Variants in ARAP2 observed in about 807,000 individuals in gnomAD.
ARAP2 encodes ArfGAP with RhoGAP domain, ankyrin repeat and PH domain 2.
Under a neutral mutation model 194.5 loss-of-function variants are expected in ARAP2, and 148 were observed. The observed-to-expected ratio is 0.76, with a 90% CI of 0.67 to 0.87. ARAP2 has a LOEUF of 0.87. Ranked by LOEUF, ARAP2 falls within the 40% of genes least tolerant of loss-of-function variation. The pLI is 0.00. For missense variants in ARAP2, 2,128 were observed against 1,989.7 expected (o/e 1.07, Z -1.32); for synonymous variants, 695 against 683.5 (o/e 1.02, Z -0.26).
chr4:36,167,546 G>A (rs1735566908), intron 9 of ARAP2, among the ~76,000 whole-genome samples: 1 of 151,972 alleles, frequency 6.6e-6, no homozygotes, highest in African/African-American at 2.4e-5. Context: ...CTCTTTCCTT[G>A]TTTTACTATC....
chr4:36,107,161 T>A (rs534019465), intron 27 of ARAP2, among the ~76,000 whole-genome samples: 1 of 152,152 alleles, frequency 6.6e-6, no homozygotes, highest in African/African-American at 2.4e-5. Flanking sequence ...AAATGTGAGA[T>A]ATATAGCAAG....
At chr4:36,093,968 C>T (rs1436197001) in intron 27 of ARAP2, among the ~76,000 whole-genome samples, 1 of 152,166 alleles carries the variant, frequency 6.6e-6, no homozygotes, top group African/African-American at 2.4e-5. Flanking sequence ...CAAGTTTAAA[C>T]CTAACATATC....
chr4:36,185,536 T>C (rs1197251459), intron 8 of ARAP2, among the ~76,000 whole-genome samples: 1 of 152,072 alleles, frequency 6.6e-6, no homozygotes, highest in African/African-American at 2.4e-5. Flanking sequence ...TTTAGTAGTA[T>C]ATAATATTTA....
intron 1 of ARAP2, among the ~76,000 whole-genome samples, chr4:36,238,918 G>A (rs1481791691): frequency 1.3e-5 from 2 of 148,298 alleles, no homozygotes; most frequent in Non-Finnish European, 3.0e-5. Context: ...CTGCCCACAT[G>A]AAGTCAATGG....
chr4:36,177,801 T>G (rs1738313477), intron 9 of ARAP2, 26 bp downstream of exon 9: 1 of 1,526,808 alleles, frequency 6.5e-7, no homozygotes, highest in Non-Finnish European at 8.8e-7. Flanking sequence ...ATAGCAGCAA[T>G]TTGCAATGAC....
chr4:36,008,401 A>G (rs1352470907), intron 9 of ARAP2, among the ~76,000 whole-genome samples: 2 of 152,110 alleles, frequency 1.3e-5, no homozygotes, highest in Non-Finnish European at 2.9e-5. Flanking sequence ...ACCTATAACC[A>G]TCTGATTTTC....
At chr4:36,164,143 A>C (rs924558556) in intron 11 of ARAP2, among the ~76,000 whole-genome samples, 10 of 152,152 alleles carry the variant, frequency 6.6e-5, no homozygotes, top group African/African-American at 2.4e-4. Flanking sequence ...GCACCAGCAC[A>C]GTGCCTAGTA....
intron 5 of ARAP2, among the ~76,000 whole-genome samples, chr4:36,023,696 A>T (rs191660096): frequency 1.3e-5 from 2 of 152,318 alleles, no homozygotes; most frequent in East Asian, 3.9e-4. Flanking sequence ...AGTGAACTCG[A>T]CAACATGCAG....
intron 15 of ARAP2, among the ~76,000 whole-genome samples, chr4:36,155,850 T>C (rs983012055): frequency 6.6e-6 from 1 of 152,082 alleles, no homozygotes; most frequent in Non-Finnish European, 1.5e-5. Flanking sequence ...ACTTGAGCAA[T>C]GGAATTACAT....
chr4:36,114,470 C>A (rs1278656321), intron 25 of ARAP2, among the ~76,000 whole-genome samples, 183 bp from the exon 26 acceptor site: 1 of 151,904 alleles, frequency 6.6e-6, no homozygotes, highest in East Asian at 1.9e-4. Flanking sequence ...ATAAAATGTA[C>A]ATAAGTACAA....
chr4:36,166,681 C>A (rs551070295), intron 10 of ARAP2, among the ~76,000 whole-genome samples: 2 of 151,198 alleles, frequency 1.3e-5, no homozygotes, highest in East Asian at 3.9e-4. Flanking sequence ...ATACACCATG[C>A]CTAGTAAGAA....
chr4:36,075,735 C>T (rs1728104262), intron 31 of ARAP2, among the ~76,000 whole-genome samples: 1 of 152,120 alleles, frequency 6.6e-6, no homozygotes. Context: ...CGTTCTCTAT[C>T]ATACTTGCCT....
intron 23 of ARAP2, among the ~76,000 whole-genome samples, chr4:36,120,889 A>T (rs193098700): frequency 8.6e-5 from 13 of 151,830 alleles, no homozygotes; most frequent in Middle Eastern, 3.4e-3. Flanking sequence ...AAGTAGATAT[A>T]ATTCATACAC....
intron 19 of ARAP2, among the ~76,000 whole-genome samples, chr4:36,140,192 C>T (rs1727963992): frequency 7.1e-6 from 1 of 140,514 alleles, no homozygotes. Context: ...GAGGGATTTG[C>T]TCATTCTTTT....
At chr4:36,183,619 T>C (rs1042866585) in intron 8 of ARAP2, among the ~76,000 whole-genome samples, 5 of 152,344 alleles carry the variant, frequency 3.3e-5, no homozygotes, top group Middle Eastern at 3.4e-3. Context: ...GAGAGATCAA[T>C]AGCTGTTATG....
Position 36,178,585 on chromosome 4 carries a change from T to A in ARAP2, c.1679-580A>T, listed in dbSNP as rs1294403438. Among the ~76,000 whole-genome samples, 85 of 152,188 alleles carry A rather than the reference T, an allele frequency of 5.6e-4. 1 individual carries two copies. The highest frequency in any genetic ancestry group is 2.5e-4 in the Non-Finnish European group (17 of 68,036). On this transcript the variant is annotated intron_variant, in intron 8 of 32. Coordinates refer to ENST00000303965, the MANE Select transcript of ARAP2 (RefSeq NM_015230.4). ...AATTAAAATTTGGTTCTCCTACTCCTTCCACAAAAGCTAAGTGACCTTCAA... is the reference window on the plus strand; with the variant it reads ...AATTAAAATTTGGTTCTCCTACTCCATCCACAAAAGCTAAGTGACCTTCAA...
At position 36,228,816 on chromosome 4, in the gene ARAP2, G is replaced by A; in HGVS notation, c.671C>T (p.Thr224Ile). The A allele has an allele frequency of 6.2e-7, 1 of 1,614,128 alleles. No individual in the cohort carries two copies. Among genetic ancestry groups the A allele is most frequent in the South Asian group, 1.1e-5 (1 of 91,082 alleles). ...SECLSFVGCS[T>I]SGTNSGNGTN... ...TCCATTTCCAGAATTTGTTCCTGAT[G>A]TTGAACAGCCAACAAAAGAAAGGCA... is the stretch of plus-strand genomic sequence containing the variant. The change falls in exon 2 of 33, where the codon ACA becomes ATA. Residue 224 changes from threonine (T) to isoleucine (I), a missense_variant. Thr to Ile is a moderately conservative substitution (Grantham distance 89). Coordinates refer to ENST00000303965, the MANE Select transcript of ARAP2 (RefSeq NM_015230.4).
At chr4:36,216,178 C>T (rs1747901394) in intron 2 of ARAP2, among the ~76,000 whole-genome samples, 1 of 151,982 alleles carries the variant, frequency 6.6e-6, no homozygotes, top group Non-Finnish European at 1.5e-5. Flanking sequence ...ATTACTTCAG[C>T]CCAGGAGGTT....
intron 2 of ARAP2, among the ~76,000 whole-genome samples, chr4:36,215,144 A>G (rs2089905176): frequency 6.6e-6 from 1 of 152,206 alleles, no homozygotes; most frequent in African/African-American, 2.4e-5. Flanking sequence ...AACTTTTAAA[A>G]AGAAGAACAA....
Sources: allele counts gnomAD v4.1 joint callset (sites outside exome capture counted in the v4.1 genomes callset), GRCh38; gene constraint gnomAD v4.1.1; transcripts MANE v1.5; gene names NCBI Gene and HGNC (gene_info 2026-07-23, HGNC 2026-07-21).